Variants in ROCK2 observed in about 807,000 individuals in gnomAD.
ROCK2 encodes the protein rho-associated protein kinase 2.
In ROCK2, 61 loss-of-function variants were observed where a neutral mutation model predicts 195.1. The ratio of observed to expected loss-of-function variants is 0.31; its 90% CI spans 0.25 to 0.39. ROCK2 has a LOEUF of 0.39. ROCK2 is among the 10% of genes least tolerant of loss of function. The pLI, the probability that ROCK2 is intolerant of heterozygous loss-of-function variation, is 1.00. For missense variants in ROCK2, 1,109 were observed against 1,637.4 expected (o/e 0.68, Z 5.57); for synonymous variants, 504 against 545.5 (o/e 0.92, Z 1.06).
In ROCK2 at chr2:11,197,089, AT is replaced by A; in HGVS notation, c.3448+90del. ...GTTTTCCCTTAAAGAAATTACAAAC[AT>A]TTTTCCTTCAGAGCAGTCAGTCGCA... On this transcript the variant is annotated intron_variant, in intron 27 of 32. Transcript: ENST00000315872. This position sits in a 1 kb window ranked among gnomAD's most constrained non-coding sequence, Gnocchi z 4.9. The A allele has an allele frequency of 1.2e-6, 1 of 808,130 alleles. No homozygotes were observed. Among genetic ancestry groups the A allele is most frequent in the Non-Finnish European group, 1.8e-6 (1 of 555,294 alleles). The allele number at this position is 808,130 out of a possible 1,614,324, so 50.1% of individuals were successfully genotyped here. A position where few individuals can be genotyped will look rare whatever the true frequency, so the allele number is the denominator to read the frequency against.
chr2:11,294,201 AAAAGAAAGG>A (rs1020459369), intron 1 of ROCK2, among the ~76,000 whole-genome samples: 31 of 152,102 alleles, frequency 2.0e-4, no homozygotes, highest in South Asian at 8.3e-4. Flanking sequence ...AGAGAGAAAG[AAAAGAAAGG>A]AAAGAAAGGA....
chr2:11,198,128 T>C (rs958370881), intron 25 of ROCK2, among the ~76,000 whole-genome samples: 3 of 152,238 alleles, frequency 2.0e-5, no homozygotes, highest in Admixed American at 2.0e-4. Flanking sequence ...CACCTGTTCA[T>C]GCAGTACATA....
At chr2:11,317,508 C>T (rs1668233197) in intron 1 of ROCK2, among the ~76,000 whole-genome samples, 1 of 140,850 alleles carries the variant, frequency 7.1e-6, no homozygotes, top group Non-Finnish European at 1.5e-5. Flanking sequence ...CTGTAAAACA[C>T]CAGGCATATA....
intron 32 of ROCK2, among the ~76,000 whole-genome samples, chr2:11,190,596 T>C (rs567164134): frequency 6.6e-6 from 1 of 152,162 alleles, no homozygotes; most frequent in South Asian, 2.1e-4. Flanking sequence ...AAAAGGATAT[T>C]TGGAGTTATT....
chr2:11,260,476 G>A (rs895158236), intron 3 of ROCK2, among the ~76,000 whole-genome samples: 7 of 147,876 alleles, frequency 4.7e-5, no homozygotes, highest in East Asian at 2.0e-4. Flanking sequence ...AAGGAGTTGT[G>A]CTAACATAGT....
chr2:11,222,689 GAA>G (rs1664677893), intron 7 of ROCK2, among the ~76,000 whole-genome samples: 1 of 151,988 alleles, frequency 6.6e-6, no homozygotes, highest in Admixed American at 6.6e-5. Context: ...CTGCATATAT[GAA>G]AAATGTTACA....
intron 1 of ROCK2, among the ~76,000 whole-genome samples, chr2:11,317,009 GT>G (rs1668213004): frequency 6.6e-6 from 1 of 152,094 alleles, no homozygotes; most frequent in Non-Finnish European, 1.5e-5. Flanking sequence ...AAGCTTAATA[GT>G]TTGAGACCTT....
At chr2:11,207,293 T>C (rs895101692) in intron 20 of ROCK2, among the ~76,000 whole-genome samples, 1 of 152,204 alleles carries the variant, frequency 6.6e-6, no homozygotes, top group African/African-American at 2.4e-5. Context: ...CTCCATTTTA[T>C]AAGTAAATCA....
chr2:11,215,246 C>T, intron 15 of ROCK2, 75 bp downstream of exon 15: 1 of 1,413,618 alleles, frequency 7.1e-7, no homozygotes, highest in South Asian at 1.4e-5. Context: ...CCTTTTGCAA[C>T]ACTGTCAATT....
At chr2:11,243,494 T>C (rs1213583383) in intron 4 of ROCK2, among the ~76,000 whole-genome samples, 1 of 152,190 alleles carries the variant, frequency 6.6e-6, no homozygotes, top group Non-Finnish European at 1.5e-5. Context: ...GAGGTCAACA[T>C]TAACAGTCAT....
chr2:11,215,464 A>G (rs1164991489), intron 14 of ROCK2, 46 bp downstream of exon 14: 7 of 1,606,584 alleles, frequency 4.4e-6, no homozygotes, highest in East Asian at 2.2e-5. Context: ...ACATACACAC[A>G]CTTAATTTTT....
At position 11,215,313 on chromosome 2, in the gene ROCK2, C is replaced by A. The variant is rs1664387960; in HGVS notation, c.1689+8G>T. 1 of 1,572,420 alleles carries A rather than the reference C, an allele frequency of 6.4e-7. No individual in the cohort carries two copies. Among genetic ancestry groups the A allele is most frequent in the Non-Finnish European group, 8.6e-7 (1 of 1,158,428 alleles). ...CCAGTATCTTTACTACAAATTAGAT[C>A]CACCTACTTGTCTCTGGAGTTGATT... On this transcript the variant is annotated splice_region_variant and intron_variant, in intron 15 of 32. Coordinates refer to ENST00000315872, the MANE Select transcript of ROCK2 (RefSeq NM_004850.5).
In ROCK2 at chr2:11,197,249, G is replaced by A. The variant is rs1203184488; in HGVS notation, c.3379C>T (p.His1127Tyr). ...EQLRSQLQAL[H>Y]IGLDSSSIGS... ...ATACTGGAACTATCCAGACCAATAT[G>A]CAAGGCTTGGAGTTGTGACCGCAGC... Residue 1127 changes from histidine to tyrosine, a missense_variant, in exon 27 of 33, where the codon CAT becomes TAT. By Grantham distance (83) the His-to-Tyr change is moderately conservative. This residue lies in a region of ROCK2 where 221 missense variants were observed against 355.1 expected (regional missense o/e 0.62). Coordinates refer to ENST00000315872, the MANE Select transcript of ROCK2 (RefSeq NM_004850.5). The surrounding 1 kb of genome is among the most constrained non-coding windows in gnomAD (Gnocchi z 4.9). The A allele has an allele frequency of 1.2e-6, 2 of 1,613,918 alleles. No homozygotes were observed. The highest frequency in any genetic ancestry group is 1.7e-6 in the Non-Finnish European group (2 of 1,179,796).
intron 1 of ROCK2, among the ~76,000 whole-genome samples, chr2:11,322,810 T>C (rs1047020719): frequency 6.6e-6 from 1 of 152,334 alleles, no homozygotes; most frequent in South Asian, 2.1e-4. Flanking sequence ...AGAGCTTCTT[T>C]ACCCTTTCCT....
At chr2:11,290,238 T>C (rs531893966) in intron 1 of ROCK2, among the ~76,000 whole-genome samples, 1 of 152,278 alleles carries the variant, frequency 6.6e-6, no homozygotes, top group South Asian at 2.1e-4. Flanking sequence ...ACCTTCCTTG[T>C]TATGCAGTTT....
chr2:11,331,687 G>A (rs1421701474), intron 1 of ROCK2, among the ~76,000 whole-genome samples: 1 of 152,190 alleles, frequency 6.6e-6, no homozygotes. Context: ...AGCACTTTGG[G>A]AGGCCAAGGC....
At chr2:11,312,500 A>G (rs2148232974) in intron 1 of ROCK2, among the ~76,000 whole-genome samples, 1 of 152,238 alleles carries the variant, frequency 6.6e-6, no homozygotes, top group Non-Finnish European at 1.5e-5. Flanking sequence ...ATCACTATAA[A>G]TTACTTTGAA....
chr2:11,300,754 C>A (rs965354404), intron 1 of ROCK2, among the ~76,000 whole-genome samples: 1 of 152,036 alleles, frequency 6.6e-6, no homozygotes, highest in Non-Finnish European at 1.5e-5. Flanking sequence ...TGATCCAGTA[C>A]CCTTATTTCC....
intron 4 of ROCK2, among the ~76,000 whole-genome samples, chr2:11,248,830 A>G (rs1160393303): frequency 6.6e-6 from 1 of 151,464 alleles, no homozygotes; most frequent in Non-Finnish European, 1.5e-5. Context: ...AGAATTTTCT[A>G]AATGTTTATT....
Sources: allele counts gnomAD v4.1 joint callset (sites outside exome capture counted in the v4.1 genomes callset), GRCh38; gene constraint gnomAD v4.1.1; regional missense constraint gnomAD v4.1.1; non-coding constraint Gnocchi (gnomAD v3.1); transcripts MANE v1.5; gene names NCBI Gene and HGNC (gene_info 2026-07-23, HGNC 2026-07-21).